FBN2: variants seen among roughly 807,000 people sequenced by gnomAD.
FBN2 encodes the protein fibrillin-2.
In FBN2, 105 loss-of-function variants were observed where a neutral mutation model predicts 355.6. That is an observed-to-expected ratio of 0.30 (90% CI 0.25 to 0.35). The LOEUF is 0.35. Ranked by LOEUF, FBN2 falls within the 10% of genes least tolerant of loss-of-function variation. The probability of loss-of-function intolerance (pLI) is 1.00; values close to 1 mark genes in which losing one functional copy is unlikely to be tolerated. For missense variants in FBN2, 3,280 were observed against 3,758.7 expected (o/e 0.87, Z 3.33); for synonymous variants, 1,350 against 1,301.2 (o/e 1.04, Z -0.81).
intron 7 of FBN2, among the ~76,000 whole-genome samples, chr5:128,417,251 G>T (rs1387925380): frequency 6.6e-6 from 1 of 151,944 alleles, no homozygotes. Flanking sequence ...AAGAGGTTTT[G>T]GTGCAATTTT....
intron 55 of FBN2, among the ~76,000 whole-genome samples, chr5:128,284,949 A>T (rs932320516): frequency 1.3e-5 from 2 of 152,224 alleles, no homozygotes; most frequent in African/African-American, 2.4e-5. Flanking sequence ...GATAAACTTT[A>T]AAAAATTGGG....
chr5:128,502,968 T>C (rs1755857473), intron 5 of FBN2, among the ~76,000 whole-genome samples: 1 of 152,228 alleles, frequency 6.6e-6, no homozygotes, highest in African/African-American at 2.4e-5. Context: ...TTTTTCTAGT[T>C]ACATTTCCTG....
At chr5:128,455,576 T>C (rs1202649303) in intron 6 of FBN2, among the ~76,000 whole-genome samples, 1 of 148,818 alleles carries the variant, frequency 6.7e-6, no homozygotes, top group African/African-American at 2.5e-5. Context: ...AAACAAAGAG[T>C]GTGAATCCTT....
chr5:128,456,406 TC>T (rs1467598187), intron 6 of FBN2, among the ~76,000 whole-genome samples: 2 of 151,854 alleles, frequency 1.3e-5, no homozygotes, highest in African/African-American at 2.4e-5. Flanking sequence ...CGAGTGGGTT[TC>T]CCCCCAGCAA....
chr5:128,530,514 C>T, intron 3 of FBN2, 81 bp downstream of exon 3: 2 of 912,690 alleles, frequency 2.2e-6, no homozygotes, highest in Non-Finnish European at 3.7e-6. Context: ...GTTAAAACTC[C>T]CTGGCACATA....
rs369609108 is a variant in FBN2, at chr5:128,335,400, T to G, written c.3847+55A>C. ...CCACTTGGTAATATCTGGAGCCATA[T>G]TTTCAAGAAAAAATTAGTTAGATGT... On this transcript the variant is annotated intron_variant, in intron 29 of 64. Transcript: ENST00000262464. The G allele has an allele frequency of 2.5e-5, 40 of 1,613,288 alleles. 1 individual carries two copies. The South Asian group carries it at 4.3e-4, about 17-fold the overall frequency.
intron 60 of FBN2, 58 bp downstream of exon 60, chr5:128,274,509 T>C (rs954584060): frequency 2.2e-6 from 2 of 892,032 alleles, no homozygotes; most frequent in African/African-American, 3.3e-5. Flanking sequence ...ATTTTAAATA[T>C]AATTTTTATG....
At chr5:128,481,225 A>T (rs1755176216) in intron 5 of FBN2, among the ~76,000 whole-genome samples, 1 of 152,220 alleles carries the variant, frequency 6.6e-6, no homozygotes, top group African/African-American at 2.4e-5. Flanking sequence ...TACAATGGAC[A>T]AATACAAAAG....
intron 37 of FBN2, 24 bp downstream of exon 37, chr5:128,312,610 C>T (rs1471093656): frequency 6.2e-7 from 1 of 1,613,792 alleles, no homozygotes; most frequent in Non-Finnish European, 8.5e-7. Context: ...TGGTTTTCTT[C>T]CTCTTCTTCA....
chr5:128,476,334 G>T (rs1755005281), intron 5 of FBN2, among the ~76,000 whole-genome samples: 1 of 152,024 alleles, frequency 6.6e-6, no homozygotes, highest in African/African-American at 2.4e-5. Flanking sequence ...ATCAAACAAT[G>T]AAGTCATCAA....
chr5:128,274,438 G>A, intron 60 of FBN2, 129 bp downstream of exon 60: 1 of 704,438 alleles, frequency 1.4e-6, no homozygotes, highest in Non-Finnish European at 2.6e-6. Flanking sequence ...AACTTCTTTA[G>A]ACCACAAATT....
In FBN2 at chr5:128,487,402, C is replaced by T. The variant is rs1165892902; in HGVS notation, c.629-22481G>A. On this transcript the variant is annotated intron_variant, in intron 5 of 64. Transcript: ENST00000262464. ...GATAGCATAACCTAGGCCATACTGA[C>T]TAATACAAGGTCTCAGATTAAAGGG... Among the ~76,000 whole-genome samples the T allele has an allele frequency of 2.6e-5, 4 of 152,130 alleles. No homozygotes were observed. In the South Asian group the frequency reaches 8.3e-4, roughly 32 times the overall value.
intron 37 of FBN2, 21 bp downstream of exon 37, chr5:128,312,613 C>T (rs1750084447): frequency 2.5e-6 from 4 of 1,613,998 alleles, no homozygotes; most frequent in Admixed American, 1.7e-5. Context: ...TTTTCTTCCT[C>T]TTCTTCAGCT....
At chr5:128,308,505 G>A (rs936707744) in intron 41 of FBN2, among the ~76,000 whole-genome samples, 1 of 152,094 alleles carries the variant, frequency 6.6e-6, no homozygotes, top group Non-Finnish European at 1.5e-5. Context: ...GGTAACAAAT[G>A]CATAATCACT....
At chr5:128,356,796 T>C (rs1006732151) in intron 20 of FBN2, among the ~76,000 whole-genome samples, 5 of 152,326 alleles carry the variant, frequency 3.3e-5, no homozygotes, top group Admixed American at 6.5e-5. Flanking sequence ...CTTCTCTTCC[T>C]TAGAGCCCCA....
At chr5:128,449,722 T>C (rs1456488997) in intron 6 of FBN2, among the ~76,000 whole-genome samples, 1 of 151,636 alleles carries the variant, frequency 6.6e-6, no homozygotes, top group Non-Finnish European at 1.5e-5. Context: ...ATATGAGATG[T>C]CAGTGGTACG....
intron 5 of FBN2, among the ~76,000 whole-genome samples, chr5:128,493,796 T>C (rs777247664): frequency 1.1e-4 from 16 of 152,210 alleles, no homozygotes; most frequent in Non-Finnish European, 2.2e-4. Flanking sequence ...AGGGTATGCA[T>C]TAGTGTGACA....
intron 48 of FBN2, among the ~76,000 whole-genome samples, chr5:128,296,660 A>T (rs1393280840): frequency 6.6e-6 from 1 of 152,058 alleles, no homozygotes; most frequent in Admixed American, 6.6e-5. Context: ...GGTAGTTTGT[A>T]TTTCTGTGGG....
chr5:128,391,334 G>C (rs1752504213), intron 11 of FBN2, among the ~76,000 whole-genome samples: 1 of 152,084 alleles, frequency 6.6e-6, no homozygotes, highest in Non-Finnish European at 1.5e-5. Flanking sequence ...AAATAGAGAA[G>C]CAGCTATGAG....
Sources: allele counts gnomAD v4.1 joint callset (sites outside exome capture counted in the v4.1 genomes callset), GRCh38; gene constraint gnomAD v4.1.1; transcripts MANE v1.5; gene names NCBI Gene and HGNC (gene_info 2026-07-23, HGNC 2026-07-21).